The following GPC5 variants were observed in gnomAD, a reference collection of about 807,000 sequenced individuals.
GPC5 encodes the protein glypican-5.
In GPC5, 47 loss-of-function variants were observed where a neutral mutation model predicts 53.9. The observed-to-expected ratio is 0.87, with a 90% CI of 0.69 to 1.11. The LOEUF (loss-of-function observed/expected upper bound fraction) is 1.11, where lower values mean the gene tolerates loss of function less well. GPC5 is among the 50% of genes most tolerant of loss of function. The pLI is 0.00. For missense variants in GPC5, 748 were observed against 713.1 expected, an observed-to-expected ratio of 1.05 and a Z score of -0.56; for synonymous variants, 286 against 263.3, an observed-to-expected ratio of 1.09 and a Z score of -0.84.
intron 7 of GPC5, among the ~76,000 whole-genome samples, chr13:92,863,202 G>A (rs1879235672): frequency 6.6e-6 from 1 of 152,148 alleles, no homozygotes; most frequent in Non-Finnish European, 1.5e-5. Flanking sequence ...AATGTGCTTG[G>A]AATCAGGGAG....
intron 6 of GPC5, among the ~76,000 whole-genome samples, chr13:92,105,984 T>A (rs797019728): frequency 9.1e-4 from 139 of 152,160 alleles, no homozygotes; most frequent in African/African-American, 3.3e-3. Context: ...TTTCTTTTTC[T>A]GGCTTATTTC....
intron 7 of GPC5, among the ~76,000 whole-genome samples, chr13:92,298,662 C>G (rs999899313): frequency 3.9e-5 from 6 of 152,164 alleles, no homozygotes; most frequent in African/African-American, 1.4e-4. Flanking sequence ...TTTGGGTACT[C>G]ACAGTATTTG....
intron 6 of GPC5, among the ~76,000 whole-genome samples, chr13:91,949,828 A>AT (rs1390690062): frequency 6.6e-6 from 1 of 151,428 alleles, no homozygotes; most frequent in African/African-American, 2.4e-5. Context: ...AAAGGAAAAA[A>AT]ATTCTTGTAT....
chr13:92,008,367 T>C (rs781620465), intron 6 of GPC5, among the ~76,000 whole-genome samples: 5 of 152,012 alleles, frequency 3.3e-5, no homozygotes, highest in Non-Finnish European at 7.4e-5. Flanking sequence ...CGGCCGAAAA[T>C]GTTTTATATT....
At chr13:92,759,256 A>ATTGT (rs1177230376) in intron 7 of GPC5, among the ~76,000 whole-genome samples, 2 of 150,872 alleles carry the variant, frequency 1.3e-5, no homozygotes, top group East Asian at 3.9e-4. Context: ...AAATTATTGG[A>ATTGT]TTGTTTTATC....
intron 2 of GPC5, among the ~76,000 whole-genome samples, chr13:91,561,549 A>G (rs1164446790): frequency 2.6e-5 from 4 of 151,388 alleles, no homozygotes; most frequent in Non-Finnish European, 5.9e-5. Context: ...GAGTGCTGGC[A>G]GTTTTTCCAG....
At chr13:92,202,530 A>C (rs940102037) in intron 7 of GPC5, among the ~76,000 whole-genome samples, 2 of 152,214 alleles carry the variant, frequency 1.3e-5, no homozygotes, top group African/African-American at 4.8e-5. Flanking sequence ...CGTTGTAACT[A>C]GAACAAACAA....
At chr13:91,851,421 C>G (rs1180959224) in intron 5 of GPC5, among the ~76,000 whole-genome samples, 1 of 152,062 alleles carries the variant, frequency 6.6e-6, no homozygotes, top group Non-Finnish European at 1.5e-5. Context: ...AATGTGAAGA[C>G]CAAAGACATT....
At chr13:92,140,718 TATG>T (rs1042886157) in intron 6 of GPC5, among the ~76,000 whole-genome samples, 3 of 152,212 alleles carry the variant, frequency 2.0e-5, no homozygotes, top group Admixed American at 1.3e-4. Flanking sequence ...AAGAAAATAA[TATG>T]GTGGTAGTGG....
intron 1 of GPC5, among the ~76,000 whole-genome samples, chr13:91,410,339 C>CTTTTT (rs66787310): frequency 3.6e-4 from 32 of 89,832 alleles, no homozygotes; most frequent in African/African-American, 6.4e-4. Flanking sequence ...CGTTTCCATT[C>CTTTTT]TTTTTTTTTT....
At chr13:91,812,427 T>G (rs866706069) in intron 5 of GPC5, among the ~76,000 whole-genome samples, 1 of 152,192 alleles carries the variant, frequency 6.6e-6, no homozygotes, top group South Asian at 2.1e-4. Flanking sequence ...TATGAAGTAC[T>G]TTAGCACACT....
intron 7 of GPC5, among the ~76,000 whole-genome samples, chr13:92,381,885 T>TAATC: frequency 8.8e-5 from 8 of 91,180 alleles, no homozygotes; most frequent in African/African-American, 2.9e-4. Flanking sequence ...TATGATTATA[T>TAATC]ATATTATATA....
intron 6 of GPC5, among the ~76,000 whole-genome samples, chr13:92,056,729 G>C (rs576314100): frequency 6.6e-6 from 1 of 152,070 alleles, no homozygotes; most frequent in African/African-American, 2.4e-5. Context: ...GTTTGTTTTT[G>C]TTTGCTTATT....
At chr13:91,661,918 G>T (rs1315266215) in intron 2 of GPC5, among the ~76,000 whole-genome samples, 1 of 152,194 alleles carries the variant, frequency 6.6e-6, no homozygotes, top group South Asian at 2.1e-4. Context: ...CAGTCATAAA[G>T]TTGTCAGCAA....
At chr13:92,393,533 C>T (rs575586403) in intron 7 of GPC5, among the ~76,000 whole-genome samples, 2 of 152,232 alleles carry the variant, frequency 1.3e-5, no homozygotes, top group South Asian at 4.1e-4. Flanking sequence ...CCTGTAATCC[C>T]AGCTACTCAG....
intron 7 of GPC5, among the ~76,000 whole-genome samples, chr13:92,698,906 A>G (rs954961933): frequency 4.6e-5 from 7 of 151,768 alleles, no homozygotes; most frequent in South Asian, 2.1e-4. Context: ...TTTCTTTTTT[A>G]TTGTGTCTCT....
chr13:91,715,169 C>T (rs1409115670), intron 3 of GPC5, among the ~76,000 whole-genome samples: 2 of 152,174 alleles, frequency 1.3e-5, no homozygotes, highest in Non-Finnish European at 2.9e-5. Flanking sequence ...TGACATGGCA[C>T]ACTGTAGGGG....
chr13:91,659,066 C>T (rs1354395922), intron 2 of GPC5, among the ~76,000 whole-genome samples: 1 of 152,192 alleles, frequency 6.6e-6, no homozygotes, highest in Middle Eastern at 3.4e-3. Context: ...GCATCATGTA[C>T]CCAGCAGCAT....
At chr13:92,006,243 T>C (rs889878981) in intron 6 of GPC5, among the ~76,000 whole-genome samples, 2 of 152,126 alleles carry the variant, frequency 1.3e-5, no homozygotes, top group Non-Finnish European at 2.9e-5. Flanking sequence ...AGAAGTAAAA[T>C]TGGAAAAATG....
Sources: gnomAD v4.1 joint callset for allele counts (sites outside exome capture counted in the v4.1 genomes callset) on GRCh38, gnomAD v4.1.1 for gene constraint, MANE v1.5 for transcripts, NCBI Gene and HGNC (gene_info 2026-07-23, HGNC 2026-07-21) for gene names.